The following MAPK10 variants were observed in gnomAD, a reference collection of about 807,000 sequenced individuals.
MAPK10 encodes mitogen-activated protein kinase 10.
Under a neutral mutation model 59.3 loss-of-function variants are expected in MAPK10, and 25 were observed. The observed-to-expected ratio is 0.42, with a 90% CI of 0.31 to 0.59. The LOEUF (loss-of-function observed/expected upper bound fraction) is 0.59, where lower values mean the gene tolerates loss of function less well. Among genes scored for constraint, MAPK10 ranks in the 20% least tolerant of loss-of-function variants. The probability of loss-of-function intolerance (pLI) is 0.15; values close to 1 mark genes in which losing one functional copy is unlikely to be tolerated. For missense variants in MAPK10, 351 were observed against 568.9 expected (o/e 0.62, Z 3.90); for synonymous variants, 190 against 200.5 (o/e 0.95, Z 0.44).
intron 4 of MAPK10, among the ~76,000 whole-genome samples, chr4:86,107,811 T>G (rs532072343): frequency 2.0e-5 from 3 of 152,298 alleles, no homozygotes; most frequent in Middle Eastern, 3.4e-3. Flanking sequence ...CATTGTTCTT[T>G]GTTTGTTTTA....
intron 10 of MAPK10, chr4:86,065,028 C>G (rs1389493541): frequency 1.3e-5 from 2 of 152,118 alleles, no homozygotes; most frequent in African/African-American, 4.8e-5. Context: ...TCCCAGCTTC[C>G]CGAGTAACTG....
intron 1 of MAPK10, among the ~76,000 whole-genome samples, chr4:86,563,114 C>T (rs892718515): frequency 8.6e-5 from 13 of 151,872 alleles, no homozygotes; most frequent in African/African-American, 2.7e-4. Flanking sequence ...AATATTTGTG[C>T]GATGTTGAAT....
intron 3 of MAPK10, among the ~76,000 whole-genome samples, chr4:86,183,546 A>C (rs540850693): frequency 0.011 from 1,743 of 151,956 alleles, 34 homozygotes; most frequent in African/African-American, 0.04. Flanking sequence ...TCATTGTTGG[A>C]CATTTGGGTT....
chr4:86,346,991 T>C (rs1213847740), intron 2 of MAPK10, among the ~76,000 whole-genome samples: 2 of 152,124 alleles, frequency 1.3e-5, no homozygotes, highest in Non-Finnish European at 2.9e-5. Flanking sequence ...AGAATTGCAT[T>C]CATTCTTAAG....
intron 1 of MAPK10, among the ~76,000 whole-genome samples, chr4:86,372,564 G>GAAAGAAAGAAAGAAAGAAAGAAAAAGA: frequency 8.9e-5 from 7 of 78,690 alleles, no homozygotes; most frequent in South Asian, 5.3e-4. Context: ...AAGAAAGAAA[G>GAAAGAAAGAAAGAAAGAAAGAAAAAGA]AAAGAAAAGA....
At chr4:86,519,365 A>G (rs1019465110) in intron 1 of MAPK10, among the ~76,000 whole-genome samples, 3 of 152,196 alleles carry the variant, frequency 2.0e-5, no homozygotes, top group African/African-American at 7.2e-5. Context: ...ATCATTATAT[A>G]ATGTCCCTCT....
chr4:86,363,097 A>G (rs1737270895), upstream of MAPK10, among the ~76,000 whole-genome samples: 1 of 152,186 alleles, frequency 6.6e-6, no homozygotes, highest in Admixed American at 6.5e-5. Context: ...CTCCATGTTC[A>G]TGGGTTCCAC....
chr4:86,563,990 C>A (rs987465082), intron 1 of MAPK10, among the ~76,000 whole-genome samples: 1 of 152,116 alleles, frequency 6.6e-6, no homozygotes, highest in Admixed American at 6.6e-5. Flanking sequence ...TGCCACCACA[C>A]CCGGCTAATT....
At chr4:86,157,369 A>G (rs1189774259) in intron 4 of MAPK10, among the ~76,000 whole-genome samples, 1 of 151,956 alleles carries the variant, frequency 6.6e-6, no homozygotes, top group East Asian at 1.9e-4. Flanking sequence ...AAATGATGAT[A>G]TCTGTTTTGT....
intron 11 of MAPK10, among the ~76,000 whole-genome samples, chr4:86,063,557 G>C (rs1450945819): frequency 6.6e-6 from 1 of 152,118 alleles, no homozygotes; most frequent in Non-Finnish European, 1.5e-5. Context: ...GCAACAGCAA[G>C]CCCCCCTTGC....
chr4:86,454,465 A>G (rs1028907632), upstream of MAPK10, among the ~76,000 whole-genome samples: 1 of 152,162 alleles, frequency 6.6e-6, no homozygotes, highest in Non-Finnish European at 1.5e-5. Context: ...ATAGAAATGC[A>G]AAATGCTCTG....
chr4:86,170,198 A>G lies in MAPK10; in HGVS notation c.67-10731T>C, dbSNP rs147692752. The stretch of plus-strand genomic sequence containing the variant: ...TAACATCATAATGACAGGATCAAAT[A>G]CACACATCACAATATTAACTTTAAA... On this transcript the variant is annotated intron_variant, in intron 3 of 13. Transcript: ENST00000641462. Among the ~76,000 whole-genome samples the G allele has an allele frequency of 5.6e-3, 853 of 152,198 alleles. 8 individuals carry two copies. Among genetic ancestry groups the G allele is most frequent in the African/African-American group, 0.02 (816 of 41,514 alleles).
At chr4:86,019,882 A>C (rs751420028) in intron 13 of MAPK10, among the ~76,000 whole-genome samples, 4 of 152,196 alleles carry the variant, frequency 2.6e-5, no homozygotes, top group Non-Finnish European at 5.9e-5. Context: ...GCTACAGCTT[A>C]ATTTAGTTTT....
At chr4:86,400,466 CACGT>C (rs1004288376) in intron 1 of MAPK10, among the ~76,000 whole-genome samples, 16 of 151,932 alleles carry the variant, frequency 1.1e-4, no homozygotes, top group African/African-American at 3.9e-4. Context: ...TCTCTCTCTC[CACGT>C]AATGGGGAGT....
intron 2 of MAPK10, among the ~76,000 whole-genome samples, chr4:86,216,677 GAAGTA>G (rs1292510955): frequency 6.6e-6 from 1 of 151,712 alleles, no homozygotes; most frequent in Non-Finnish European, 1.5e-5. Flanking sequence ...AGAAAATGAT[GAAGTA>G]ATTATTGTTA....
chr4:86,154,962 A>G (rs2067333310), intron 4 of MAPK10, among the ~76,000 whole-genome samples: 1 of 152,086 alleles, frequency 6.6e-6, no homozygotes, highest in Admixed American at 6.6e-5. Flanking sequence ...TAACATGGCC[A>G]ACTTTCAATC....
chr4:86,491,254 C>T (rs1341239596), intron 1 of MAPK10, among the ~76,000 whole-genome samples: 1 of 152,194 alleles, frequency 6.6e-6, no homozygotes, highest in African/African-American at 2.4e-5. Flanking sequence ...TGCACACAGA[C>T]AGCTCCACAG....
chr4:86,533,362 G>A (rs1457662587), intron 1 of MAPK10, among the ~76,000 whole-genome samples: 1 of 152,162 alleles, frequency 6.6e-6, no homozygotes, highest in African/African-American at 2.4e-5. Flanking sequence ...AATGTACTAA[G>A]TGCCAATGAA....
At chr4:86,096,802 G>C (rs2054301911) in intron 9 of MAPK10, among the ~76,000 whole-genome samples, 2 of 151,918 alleles carry the variant, frequency 1.3e-5, no homozygotes, top group Admixed American at 1.3e-4. Context: ...CTATAGATAA[G>C]TAAAGTGAAA....
Sources: allele counts gnomAD v4.1 joint callset (sites outside exome capture counted in the v4.1 genomes callset), GRCh38; gene constraint gnomAD v4.1.1; transcripts MANE v1.5; gene names NCBI Gene and HGNC (gene_info 2026-07-23, HGNC 2026-07-21).